Variants in KIAA1549L observed in about 807,000 individuals in gnomAD.
The protein encoded by KIAA1549L is UPF0606 protein KIAA1549L.
A neutral mutation model predicts 160.7 loss-of-function variants in KIAA1549L; 88 were observed. That is an observed-to-expected ratio of 0.55 (90% confidence interval 0.46 to 0.65). The LOEUF is 0.65. Among genes scored for constraint, KIAA1549L ranks in the 30% least tolerant of loss-of-function variants. The pLI is 0.00. For synonymous variants in KIAA1549L, 950 were observed against 976.7 expected (o/e 0.97, Z 0.51); for missense variants, 2,258 against 2,437.5 (o/e 0.93, Z 1.55).
At chr11:33,602,542 A>G (rs1186087969) in intron 13 of KIAA1549L, among the ~76,000 whole-genome samples, 1 of 152,214 alleles carries the variant, frequency 6.6e-6, no homozygotes, top group African/African-American at 2.4e-5. Flanking sequence ...TCAGACATGA[A>G]GAAATGAAAT....
At chr11:33,662,604 T>A (rs369211801) in intron 20 of KIAA1549L, among the ~76,000 whole-genome samples, 12 of 152,198 alleles carry the variant, frequency 7.9e-5, no homozygotes, top group East Asian at 7.7e-4. Flanking sequence ...TGCAGACTTT[T>A]CAGAAAGTAG....
intron 20 of KIAA1549L, among the ~76,000 whole-genome samples, chr11:33,664,271 C>T (rs1256526214): frequency 6.6e-6 from 1 of 152,166 alleles, no homozygotes; most frequent in African/African-American, 2.4e-5. Flanking sequence ...CTTGTCTGCT[C>T]CCTACCTCCA....
intron 1 of KIAA1549L, among the ~76,000 whole-genome samples, chr11:33,504,521 G>A (rs955581747): frequency 2.6e-5 from 4 of 151,558 alleles, no homozygotes; most frequent in African/African-American, 4.9e-5. Flanking sequence ...AGGCTGGAGC[G>A]TAGTGAGGTG....
intron 9 of KIAA1549L, among the ~76,000 whole-genome samples, chr11:33,570,103 A>G (rs1185066780): frequency 1.3e-5 from 2 of 149,614 alleles, no homozygotes; most frequent in East Asian, 2.0e-4. Context: ...TCCCGGGTCC[A>G]AGCGATTCTC....
chr11:33,576,709 A>G (rs1246230553), intron 10 of KIAA1549L, among the ~76,000 whole-genome samples: 1 of 152,182 alleles, frequency 6.6e-6, no homozygotes, highest in African/African-American at 2.4e-5. Flanking sequence ...GTAGCCAGGG[A>G]AGGAAGCGGG....
intron 1 of KIAA1549L, among the ~76,000 whole-genome samples, chr11:33,482,652 C>T (rs527410862): frequency 6.6e-6 from 1 of 151,168 alleles, no homozygotes; most frequent in East Asian, 1.9e-4. Flanking sequence ...TCACTGCTGC[C>T]TCCACTTTCC....
chr11:33,467,010 C>T (rs980202166), intron 1 of KIAA1549L, among the ~76,000 whole-genome samples: 3 of 151,986 alleles, frequency 2.0e-5, no homozygotes, highest in African/African-American at 7.3e-5. Context: ...AGGAGAAATA[C>T]CTAATGTAAA....
chr11:33,518,858 T>C (rs895547638), intron 1 of KIAA1549L, among the ~76,000 whole-genome samples: 1 of 152,194 alleles, frequency 6.6e-6, no homozygotes, highest in Non-Finnish European at 1.5e-5. Flanking sequence ...TTCAGATATG[T>C]TTTGATTTGG....
chr11:33,449,343 A>G (rs901489210), intron 1 of KIAA1549L, among the ~76,000 whole-genome samples: 8 of 151,596 alleles, frequency 5.3e-5, no homozygotes, highest in Non-Finnish European at 1.0e-4. Flanking sequence ...ATTATGGTGG[A>G]TTGAGTGATG....
At position 33,658,765 on chromosome 11, in the gene KIAA1549L, C is replaced by G. The variant is rs769314647; in HGVS notation, c.5874C>G (p.Ile1958Met). The change falls in exon 19 of 21, where the codon ATC becomes ATG. Residue 1958 changes from isoleucine (I) to methionine (M), a missense_variant. Coordinates refer to ENST00000658780, the MANE Select transcript of KIAA1549L (RefSeq NM_012194.3). The stretch of plus-strand genomic sequence containing the variant: ...CCCCATCTAGATCCACCTCAGACAT[C>G]GGCAGCAAGACCAGAATGGCCGAGT... ...VASLRRSTSDIGSKTRMAEST... is the reference protein window; with the variant it reads ...VASLRRSTSDMGSKTRMAEST... 8 of 1,572,976 alleles carry G rather than the reference C, an allele frequency of 5.1e-6. No homozygotes were observed. Among genetic ancestry groups the G allele is most frequent in the Non-Finnish European group, 6.9e-6 (8 of 1,160,176 alleles).
chr11:33,473,815 C>T (rs1217378473), intron 1 of KIAA1549L, among the ~76,000 whole-genome samples: 3 of 152,116 alleles, frequency 2.0e-5, no homozygotes, highest in Non-Finnish European at 2.9e-5. Flanking sequence ...CTGGGAAGTC[C>T]TAAGATGCTG....
At chr11:33,576,501 T>G (rs1187377635) in intron 10 of KIAA1549L, among the ~76,000 whole-genome samples, 2 of 152,216 alleles carry the variant, frequency 1.3e-5, no homozygotes, top group African/African-American at 4.8e-5. Flanking sequence ...ATCCTCTTTA[T>G]GTGGACTCCA....
At chr11:33,523,380 A>C (rs956540476) in intron 1 of KIAA1549L, among the ~76,000 whole-genome samples, 5 of 152,236 alleles carry the variant, frequency 3.3e-5, no homozygotes, top group African/African-American at 1.2e-4. Flanking sequence ...GAGATTTTCT[A>C]AACTGCTTTG....
chr11:33,573,601 T>A (rs1049346541), intron 9 of KIAA1549L, among the ~76,000 whole-genome samples: 17 of 152,200 alleles, frequency 1.1e-4, no homozygotes, highest in African/African-American at 4.1e-4. Context: ...GTCTTTTTAC[T>A]GTTATAAACA....
intron 1 of KIAA1549L, among the ~76,000 whole-genome samples, chr11:33,501,696 T>A (rs1852952106): frequency 6.6e-6 from 1 of 152,172 alleles, no homozygotes; most frequent in African/African-American, 2.4e-5. Flanking sequence ...TGGAGAATAG[T>A]GTAGATGGTT....
chr11:33,634,587 G>C (rs533595723), intron 16 of KIAA1549L, among the ~76,000 whole-genome samples: 1 of 152,296 alleles, frequency 6.6e-6, no homozygotes, highest in South Asian at 2.1e-4. Flanking sequence ...AACAAGTTAT[G>C]GGGGGAGAAA....
In KIAA1549L at chr11:33,543,543, G is replaced by A. The variant is rs373210361; in HGVS notation, c.1980G>A (p.Gly660=). The change falls in exon 2 of 21, where the codon GGG becomes GGA. Residue 660 remains glycine, a synonymous_variant. Transcript: ENST00000658780. ...ATGCAGCTGCTGTGGACCATTCTGG[G>A]TTGCCAGCTTCAGCTTCCAAACAGG... is the stretch of plus-strand genomic sequence containing the variant. ...EAYAAAVDHS[G]LPASASKQVR... The A allele has an allele frequency of 2.5e-6, 4 of 1,613,986 alleles. No individual in the cohort carries two copies. Among genetic ancestry groups the A allele is most frequent in the Non-Finnish European group, 2.5e-6 (3 of 1,179,900 alleles).
intron 17 of KIAA1549L, among the ~76,000 whole-genome samples, chr11:33,653,596 T>C (rs1851957982): frequency 6.6e-6 from 1 of 152,230 alleles, no homozygotes; most frequent in African/African-American, 2.4e-5. Flanking sequence ...TTATTGATCC[T>C]ACTTGGGATT....
rs542053256 is a variant in KIAA1549L, at chr11:33,610,000, G to T, written c.5279+34G>T. On this transcript the variant is annotated intron_variant, in intron 15 of 20. Transcript: ENST00000658780. ...TCTAAGGGATTCTGTAAAGGGTGCTGTATCATTGGTGGGATAAGGGCAGGC... is the reference window on the plus strand; with the variant it reads ...TCTAAGGGATTCTGTAAAGGGTGCTTTATCATTGGTGGGATAAGGGCAGGC... The T allele has an allele frequency of 7.1e-6, 11 of 1,538,748 alleles. No homozygotes were observed. In the South Asian group the frequency reaches 1.1e-4, roughly 16 times the overall value.
Sources: allele counts gnomAD v4.1 joint callset (sites outside exome capture counted in the v4.1 genomes callset), GRCh38; gene constraint gnomAD v4.1.1; transcripts MANE v1.5; gene names NCBI Gene and HGNC (gene_info 2026-07-23, HGNC 2026-07-21).